Variants in SPRY3 observed in about 807,000 individuals in gnomAD.
The protein encoded by SPRY3 is protein sprouty homolog 3.
SPRY3 carries 15 observed loss-of-function variants against 20.2 expected under a neutral mutation model. That is an observed-to-expected ratio of 0.74 (90% CI 0.50 to 1.14). The LOEUF is 1.14. Ranked by LOEUF, SPRY3 falls within the 50% of genes most tolerant of loss-of-function variation. SPRY3 has a pLI of 0.00. For missense variants in SPRY3, 364 were observed against 363.9 expected (o/e 1.00, Z 0.00); for synonymous variants, 143 against 136.5 (o/e 1.05, Z -0.33).
chrX:155,748,874 A>G (rs1476774731), intron 2 of SPRY3, among the ~76,000 whole-genome samples: 1 of 151,924 alleles, frequency 6.6e-6, no homozygotes, highest in East Asian at 1.9e-4. Flanking sequence ...CCAGCTAAAA[A>G]CATTTTCTAA....
At chrX:155,677,277 A>G (rs1309203202) in intron 2 of SPRY3, among the ~76,000 whole-genome samples, 1 of 111,856 alleles carries the variant, frequency 8.9e-6, no homozygotes, top group East Asian at 2.8e-4. Flanking sequence ...GTTGCATGTG[A>G]AAACTGATGT....
At chrX:155,693,712 CTTTAAG>C (rs2068110187) in intron 2 of SPRY3, among the ~76,000 whole-genome samples, 1 of 112,119 alleles carries the variant, frequency 8.9e-6, no homozygotes, top group African/African-American at 3.2e-5. Flanking sequence ...CTCTTTGTAT[CTTTAAG>C]TTTAAAGTGT....
intron 1 of SPRY3, among the ~76,000 whole-genome samples, chrX:155,637,976 G>GT (rs35263576): frequency 2.5e-4 from 24 of 94,366 alleles, no homozygotes; most frequent in Admixed American, 4.7e-4. Flanking sequence ...TCTCAGGGTT[G>GT]TTTTTTTTTT....
chrX:155,777,160 G>C, downstream of SPRY3: 2 of 167,092 alleles, frequency 1.2e-5, no homozygotes, highest in South Asian at 4.2e-4. Context: ...AAGCTGGATG[G>C]TGATGAGTAG....
At chrX:155,706,443 C>T (rs2090951656) in intron 2 of SPRY3, among the ~76,000 whole-genome samples, 1 of 150,418 alleles carries the variant, frequency 6.6e-6, no homozygotes, top group Non-Finnish European at 1.5e-5. Context: ...CAGCTTCCAC[C>T]TAAGAAGTTC....
intron 1 of SPRY3, among the ~76,000 whole-genome samples, chrX:155,620,609 A>G (rs1407618260): frequency 8.9e-6 from 1 of 111,804 alleles, no homozygotes; most frequent in African/African-American, 3.2e-5. Context: ...AATTTATATA[A>G]AATTCTAGAA....
chrX:155,729,001 T>C (rs2091116754), intron 2 of SPRY3, among the ~76,000 whole-genome samples: 1 of 151,882 alleles, frequency 6.6e-6, no homozygotes, highest in African/African-American at 2.4e-5. Flanking sequence ...GATAATAGGG[T>C]CAATTCTGCA....
chrX:155,637,019 C>A (rs1164541514), intron 1 of SPRY3, among the ~76,000 whole-genome samples: 12 of 74,399 alleles, frequency 1.6e-4, no homozygotes, highest in African/African-American at 6.1e-4. Context: ...GAACATCACA[C>A]TCTGGGGACT....
Position 155,663,724 on chromosome X carries a change from T to C in SPRY3, c.-282+6699T>C, listed in dbSNP as rs781931557. On this transcript the variant is annotated intron_variant, in intron 2 of 3. Coordinates refer to ENST00000675360, the Ensembl canonical transcript of SPRY3. ...AACCGTTGAATCAGAAATTTTGGAATTGGGGCCCAGCAATGTGTTGTAACA... is the reference window on the plus strand; with the variant it reads ...AACCGTTGAATCAGAAATTTTGGAACTGGGGCCCAGCAATGTGTTGTAACA... 1.2e-4 allele frequency among the ~76,000 whole-genome samples: 13 copies of C among 111,583 alleles called. No homozygotes were observed. In the South Asian group the frequency reaches 3.8e-3, roughly 32 times the overall value.
At chrX:155,731,449 A>T (rs2091131375) in intron 2 of SPRY3, among the ~76,000 whole-genome samples, 1 of 152,120 alleles carries the variant, frequency 6.6e-6, no homozygotes, top group African/African-American at 2.4e-5. Context: ...GGAAAACTGG[A>T]TATCTACATG....
chrX:155,646,301 G>A (rs1557351864), intron 1 of SPRY3, among the ~76,000 whole-genome samples: 1 of 111,913 alleles, frequency 8.9e-6, no homozygotes, highest in Non-Finnish European at 1.9e-5. Flanking sequence ...TAAACTTTAG[G>A]ATTGTTTGTT....
exon 4 of SPRY3, chrX:155,776,428 A>G (rs988724095): frequency 3.0e-5 from 5 of 167,102 alleles, no homozygotes; most frequent in Non-Finnish European, 7.3e-5. Flanking sequence ...TGAAAGATGT[A>G]TAATGTAGAG....
intron 2 of SPRY3, among the ~76,000 whole-genome samples, chrX:155,671,861 A>T (rs782715091): frequency 8.9e-6 from 1 of 111,849 alleles, no homozygotes; most frequent in East Asian, 2.8e-4. Flanking sequence ...AGCTTTCTAC[A>T]TATGGCTAGC....
chrX:155,739,705 C>A (rs759017069), intron 2 of SPRY3, among the ~76,000 whole-genome samples: 2 of 152,224 alleles, frequency 1.3e-5, no homozygotes, highest in Admixed American at 6.5e-5. Flanking sequence ...GGACCCCCAG[C>A]AAACTGCAGC....
intron 2 of SPRY3, among the ~76,000 whole-genome samples, chrX:155,760,655 C>T (rs2091300533): frequency 1.3e-5 from 2 of 152,152 alleles, no homozygotes; most frequent in Non-Finnish European, 1.5e-5. Context: ...TGAAACTTTT[C>T]CGCCTCAGAT....
At position 155,620,260 on chromosome X, in the gene SPRY3, T is replaced by C. The variant is rs781948069; in HGVS notation, c.-441+7613T>C. Among the ~76,000 whole-genome samples, 9 of 111,471 alleles carry C rather than the reference T, an allele frequency of 8.1e-5. No homozygotes were observed. In the South Asian group the frequency reaches 3.4e-3, roughly 42 times the overall value. The stretch of plus-strand genomic sequence containing the variant: ...ATAAGATTCTTAGTTAAACACACTT[T>C]ATAAGATTCTTAGTTAAACACACTT... On this transcript the variant is annotated intron_variant, in intron 1 of 3. Coordinates refer to ENST00000675360, the Ensembl canonical transcript of SPRY3.
chrX:155,718,720 C>G (rs2091037330), intron 2 of SPRY3, among the ~76,000 whole-genome samples: 1 of 152,014 alleles, frequency 6.6e-6, no homozygotes, highest in Middle Eastern at 3.4e-3. Flanking sequence ...CAAAGAGAAA[C>G]AAACACACTC....
chrX:155,662,449 T>C (rs1346813668), intron 2 of SPRY3, among the ~76,000 whole-genome samples: 3 of 110,621 alleles, frequency 2.7e-5, no homozygotes, highest in Non-Finnish European at 5.7e-5. Context: ...AGGAAGCTTA[T>C]CTCATTCTCC....
At chrX:155,780,236 A>G (rs2091455499), downstream of SPRY3, 1 of 167,020 alleles carries the variant, frequency 6.0e-6, no homozygotes, top group African/African-American at 2.4e-5. Flanking sequence ...CATCCCTCTG[A>G]TGGTAAAAGA....
Sources: allele counts gnomAD v4.1 joint callset (sites outside exome capture counted in the v4.1 genomes callset), GRCh38; gene constraint gnomAD v4.1.1; transcripts MANE v1.5; gene names NCBI Gene and HGNC (gene_info 2026-07-23, HGNC 2026-07-21).